The following ADCY9 variants were observed in gnomAD, a reference collection of about 807,000 sequenced individuals.
ADCY9 encodes the protein adenylate cyclase 9.
A neutral mutation model predicts 101.5 loss-of-function variants in ADCY9; 50 were observed. The ratio of observed to expected loss-of-function variants is 0.49; its 90% CI spans 0.39 to 0.62. The LOEUF is 0.62. Among genes scored for constraint, ADCY9 ranks in the 20% least tolerant of loss-of-function variants. The probability of loss-of-function intolerance (pLI) is 0.00; values close to 1 mark genes in which losing one functional copy is unlikely to be tolerated. For missense variants in ADCY9, 1,662 were observed against 1,800.4 expected, an observed-to-expected ratio of 0.92 and a Z score of 1.39; for synonymous variants, 905 against 769.3, an observed-to-expected ratio of 1.18 and a Z score of -2.92.
chr16:4,017,643 CAA>C (rs60693958), intron 2 of ADCY9, among the ~76,000 whole-genome samples: 8 of 87,240 alleles, frequency 9.2e-5, no homozygotes, highest in Admixed American at 3.8e-4. Flanking sequence ...AACTCCTTCT[CAA>C]AAAAAAAAAA....
intron 2 of ADCY9, among the ~76,000 whole-genome samples, chr16:4,021,563 C>A (rs559202748): frequency 6.6e-6 from 1 of 152,328 alleles, no homozygotes; most frequent in East Asian, 1.9e-4. Context: ...CAACTCAGAG[C>A]TAGGAGAGTA....
chr16:4,052,832 A>G (rs1263102811), intron 2 of ADCY9, among the ~76,000 whole-genome samples: 1 of 152,208 alleles, frequency 6.6e-6, no homozygotes, highest in Non-Finnish European at 1.5e-5. Context: ...TAGTAAGGCA[A>G]ACTGCTGGGG....
At chr16:4,043,939 C>G (rs900122389) in intron 2 of ADCY9, among the ~76,000 whole-genome samples, 1 of 152,106 alleles carries the variant, frequency 6.6e-6, no homozygotes, top group Non-Finnish European at 1.5e-5. Context: ...TCAGTTTCTT[C>G]CTTTTTTGTT....
At chr16:4,104,754 C>T (rs954654565) in intron 2 of ADCY9, among the ~76,000 whole-genome samples, 4 of 152,182 alleles carry the variant, frequency 2.6e-5, no homozygotes, top group Non-Finnish European at 5.9e-5. Context: ...CATATTGCAA[C>T]AAATTGAATG....
chr16:4,020,620 G>A (rs963370722), intron 2 of ADCY9, among the ~76,000 whole-genome samples: 27 of 152,100 alleles, frequency 1.8e-4, no homozygotes, highest in African/African-American at 5.8e-4. Context: ...CCAGGAGTTC[G>A]AGACCAGCCT....
intron 2 of ADCY9, among the ~76,000 whole-genome samples, chr16:4,110,667 G>A (rs1412150056): frequency 2.6e-5 from 4 of 152,182 alleles, no homozygotes; most frequent in African/African-American, 9.7e-5. Context: ...TGGGATTACA[G>A]GCATGAGCCA....
chr16:3,992,812 G>C lies in ADCY9; in HGVS notation c.1990-449C>G, dbSNP rs929688174. ...GTGGATGGAAACGGGCTCGTGTCGT[G>C]GGTGTCCCCCGTGGCTGTGGGAAGG... On this transcript the variant is annotated intron_variant, in intron 4 of 10. Coordinates refer to ENST00000294016, the MANE Select transcript of ADCY9 (RefSeq NM_001116.4). The surrounding 1 kb of genome is among the most constrained non-coding windows in gnomAD (Gnocchi z 4.2). 1.3e-5 allele frequency among the ~76,000 whole-genome samples: 2 copies of C among 152,126 alleles called. No individual in the cohort carries two copies. Among genetic ancestry groups the C allele is most frequent in the African/African-American group, 4.8e-5 (2 of 41,438 alleles).
intron 2 of ADCY9, among the ~76,000 whole-genome samples, chr16:4,072,917 G>A (rs2056843318): frequency 6.7e-6 from 1 of 149,748 alleles, no homozygotes; most frequent in Non-Finnish European, 1.5e-5. Context: ...CCAGAAGGCA[G>A]TGGTGTGATA....
chr16:3,987,292 A>G (rs1170606244), intron 6 of ADCY9, among the ~76,000 whole-genome samples: 3 of 152,220 alleles, frequency 2.0e-5, no homozygotes, highest in African/African-American at 7.2e-5. Flanking sequence ...CAGCACCAAG[A>G]ACAGTCCCTG....
At chr16:4,018,295 C>G (rs535087268) in intron 2 of ADCY9, among the ~76,000 whole-genome samples, 4 of 150,724 alleles carry the variant, frequency 2.7e-5, no homozygotes, top group Admixed American at 1.3e-4. Flanking sequence ...CTCACTGCAA[C>G]CTCTGCCTCC....
chr16:4,079,461 G>A (rs532989892), intron 2 of ADCY9, among the ~76,000 whole-genome samples: 101 of 152,098 alleles, frequency 6.6e-4, no homozygotes, highest in African/African-American at 2.3e-3. Context: ...CCCAGCTACT[G>A]GGGAGTCTGA....
chr16:4,002,658 T>G (rs1056237370), intron 3 of ADCY9, among the ~76,000 whole-genome samples: 2 of 152,234 alleles, frequency 1.3e-5, no homozygotes, highest in Admixed American at 6.5e-5. Context: ...CTAAGATGCT[T>G]TCACAGCTCA....
intron 2 of ADCY9, among the ~76,000 whole-genome samples, chr16:4,065,632 C>T (rs548511145): frequency 8.5e-5 from 13 of 152,174 alleles, no homozygotes; most frequent in African/African-American, 2.4e-4. Flanking sequence ...AGGGCAATGG[C>T]GCTATTTTGG....
chr16:4,078,002 A>T (rs554732972), intron 2 of ADCY9, among the ~76,000 whole-genome samples: 1 of 150,550 alleles, frequency 6.6e-6, no homozygotes, highest in African/African-American at 2.4e-5. Context: ...CTGCTTCAGA[A>T]AAAAAAAAAA....
In ADCY9 at chr16:4,115,289, A is replaced by G. The variant is rs1279721401; in HGVS notation, c.154T>C (p.Ser52Pro). Reference sequence around the variant, plus strand: ...GAGTCCCCAGAGCTGCTGCAGCTAGAGGAGATGCTGTATTTGCAGTGCTTG... The same window carrying G: ...GAGTCCCCAGAGCTGCTGCAGCTAGGGGAGATGCTGTATTTGCAGTGCTTG... ...HPKHCKYSIS[S>P]SCSSSGDSGG... The change falls in exon 2 of 11, where the codon TCT (serine) becomes CCT (proline). Residue 52 changes from serine to proline, a missense_variant. Around this residue, in one of 5 missense-constraint regions of ADCY9, gnomAD observed 422 missense variants for 392.0 expected, o/e 1.08. Transcript: ENST00000294016. This position sits in a 1 kb window ranked among gnomAD's most constrained non-coding sequence, Gnocchi z 6.2. The G allele has an allele frequency of 1.2e-6, 2 of 1,613,692 alleles. No individual in the cohort carries two copies. The highest frequency in any genetic ancestry group is 1.3e-5 in the African/African-American group (1 of 74,926).
exon 6 of ADCY9, chr16:3,953,502 C>G (rs1036642388): frequency 6.6e-6 from 1 of 152,150 alleles, no homozygotes; most frequent in Non-Finnish European, 1.5e-5. Flanking sequence ...TCCCTCTCCA[C>G]AGGGTTCTCG....
intron 9 of ADCY9, among the ~76,000 whole-genome samples, chr16:3,975,437 C>T (rs1725377505): frequency 6.6e-6 from 1 of 152,196 alleles, no homozygotes; most frequent in African/African-American, 2.4e-5. Flanking sequence ...GATGCTCACA[C>T]TGCCCATGGC....
At chr16:4,047,236 T>C (rs1381649339) in intron 2 of ADCY9, among the ~76,000 whole-genome samples, 2 of 152,168 alleles carry the variant, frequency 1.3e-5, no homozygotes, top group African/African-American at 4.8e-5. Flanking sequence ...TGGAGCCATT[T>C]TCATCCAGGA....
At chr16:3,957,725 T>TA (rs1337535385), downstream of ADCY9, among the ~76,000 whole-genome samples, 1 of 151,452 alleles carries the variant, frequency 6.6e-6, no homozygotes. Context: ...AGGGCAGGGC[T>TA]AGGGGGCGGT....
Sources: allele counts gnomAD v4.1 joint callset (sites outside exome capture counted in the v4.1 genomes callset), GRCh38; gene constraint gnomAD v4.1.1; regional missense constraint gnomAD v4.1.1; non-coding constraint Gnocchi (gnomAD v3.1); transcripts MANE v1.5; gene names NCBI Gene and HGNC (gene_info 2026-07-23, HGNC 2026-07-21).